EXOC6B: variants seen among roughly 807,000 people sequenced by gnomAD.
The protein encoded by EXOC6B is exocyst complex component 6B, also known as SEC15 homolog B.
In EXOC6B, 54 loss-of-function variants were observed where a neutral mutation model predicts 113.5. That is an observed-to-expected ratio of 0.48 (90% confidence interval 0.38 to 0.60). EXOC6B has a LOEUF of 0.60. Among genes scored for constraint, EXOC6B ranks in the 20% least tolerant of loss-of-function variants. The pLI is 0.00. For missense variants in EXOC6B, 797 were observed against 977.5 expected (o/e 0.82, Z 2.46); for synonymous variants, 357 against 339.0 (o/e 1.05, Z -0.58).
intron 14 of EXOC6B, 80 bp downstream of exon 14, chr2:72,496,373 CT>C: frequency 1.3e-6 from 1 of 790,502 alleles, no homozygotes; most frequent in East Asian, 2.7e-5. Context: ...AAAGGTAATG[CT>C]TTCAATCAAA....
chr2:72,258,028 C>A, intron 20 of EXOC6B, among the ~76,000 whole-genome samples: 1 of 152,206 alleles, frequency 6.6e-6, no homozygotes, highest in African/African-American at 2.4e-5. Context: ...GGCTTACTCA[C>A]TAAATTTCAT....
intron 19 of EXOC6B, among the ~76,000 whole-genome samples, chr2:72,378,032 G>A (rs571218015): frequency 6.6e-6 from 1 of 151,606 alleles, no homozygotes; most frequent in East Asian, 1.9e-4. Flanking sequence ...CATCTTCTGC[G>A]GTCTTACTAA....
intron 1 of EXOC6B, among the ~76,000 whole-genome samples, chr2:72,762,506 A>C (rs1310293655): frequency 6.6e-6 from 1 of 151,996 alleles, no homozygotes; most frequent in African/African-American, 2.4e-5. Flanking sequence ...TTATATAAAG[A>C]AGAAGACAAT....
intron 20 of EXOC6B, among the ~76,000 whole-genome samples, chr2:72,319,795 A>G (rs1687742921): frequency 6.6e-6 from 1 of 152,208 alleles, no homozygotes; most frequent in South Asian, 2.1e-4. Flanking sequence ...ATTTTCCCCA[A>G]ATTGATCTCT....
chr2:72,371,853 A>C (rs1680561427), intron 19 of EXOC6B, among the ~76,000 whole-genome samples: 1 of 152,164 alleles, frequency 6.6e-6, no homozygotes, highest in African/African-American at 2.4e-5. Context: ...GAAAAAGAAA[A>C]AAGGGTCATC....
chr2:72,508,588 A>G (rs1329476406), intron 11 of EXOC6B, among the ~76,000 whole-genome samples: 2 of 152,078 alleles, frequency 1.3e-5, no homozygotes, highest in East Asian at 1.9e-4. Context: ...CCTGGCCAAC[A>G]TGGCGAAATC....
chr2:72,740,593 C>A (rs1029138451), intron 2 of EXOC6B, among the ~76,000 whole-genome samples: 5 of 152,196 alleles, frequency 3.3e-5, no homozygotes, highest in African/African-American at 7.2e-5. Context: ...GAAGACCCTC[C>A]ACAACAACCA....
At chr2:72,232,933 G>A (rs1210964568) in intron 20 of EXOC6B, among the ~76,000 whole-genome samples, 1 of 151,930 alleles carries the variant, frequency 6.6e-6, no homozygotes, top group African/African-American at 2.4e-5. Context: ...TTAGCTGGGT[G>A]TGGTTGCGGG....
At chr2:72,555,804 G>A (rs947334021) in intron 8 of EXOC6B, among the ~76,000 whole-genome samples, 4 of 151,872 alleles carry the variant, frequency 2.6e-5, no homozygotes, top group African/African-American at 4.8e-5. Context: ...CCAGCACCAC[G>A]CCTGGCTAAT....
intron 1 of EXOC6B, among the ~76,000 whole-genome samples, chr2:72,795,616 C>T (rs1684900580): frequency 6.6e-6 from 1 of 151,974 alleles, no homozygotes; most frequent in Non-Finnish European, 1.5e-5. Flanking sequence ...AAGTGAATGA[C>T]AAAAAAACTG....
At chr2:72,246,500 CTAAT>C (rs1282488572) in intron 20 of EXOC6B, among the ~76,000 whole-genome samples, 2 of 145,974 alleles carry the variant, frequency 1.4e-5, no homozygotes, top group Non-Finnish European at 3.0e-5. Flanking sequence ...AATAGGTTAA[CTAAT>C]TGATTTTTTT....
At position 72,732,283 on chromosome 2, in the gene EXOC6B, G is replaced by C. The variant is rs540301531; in HGVS notation, c.327+788C>G. 1.8e-4 allele frequency among the ~76,000 whole-genome samples: 28 copies of C among 151,932 alleles called. No homozygotes were observed. The South Asian group carries it at 4.0e-3, about 21-fold the overall frequency. On this transcript the variant is annotated intron_variant, in intron 3 of 21. Coordinates refer to ENST00000272427, the MANE Select transcript of EXOC6B (RefSeq NM_015189.3). ...CCCACCTCAGTCTCCCAAGTAGCTG[G>C]GACTATAGACATGCACCTCCACGCC...
intron 19 of EXOC6B, among the ~76,000 whole-genome samples, chr2:72,361,321 G>A (rs1180180903): frequency 6.6e-6 from 1 of 152,164 alleles, no homozygotes; most frequent in African/African-American, 2.4e-5. Context: ...TACTTTCACA[G>A]TTTGCTGATG....
intron 20 of EXOC6B, among the ~76,000 whole-genome samples, chr2:72,235,647 G>A (rs1431103483): frequency 1.3e-5 from 2 of 152,154 alleles, no homozygotes; most frequent in African/African-American, 4.8e-5. Context: ...ATAAGAATAG[G>A]TGTATGGGAC....
chr2:72,428,216 A>G (rs761623107), intron 18 of EXOC6B, among the ~76,000 whole-genome samples: 42 of 152,222 alleles, frequency 2.8e-4, no homozygotes, highest in Non-Finnish European at 1.5e-4. Flanking sequence ...AAGAGCTGTA[A>G]CACAAACAGG....
intron 7 of EXOC6B, among the ~76,000 whole-genome samples, chr2:72,571,407 A>G (rs1342708092): frequency 6.6e-6 from 1 of 151,974 alleles, no homozygotes; most frequent in African/African-American, 2.4e-5. Context: ...TTTTTAATCA[A>G]TTGAATTAAG....
chr2:72,687,914 A>C (rs1192779983), intron 6 of EXOC6B, among the ~76,000 whole-genome samples: 1 of 152,174 alleles, frequency 6.6e-6, no homozygotes, highest in Non-Finnish European at 1.5e-5. Flanking sequence ...GATATCCCCA[A>C]TCTTCCCTCC....
At position 72,825,793 on chromosome 2, in the gene EXOC6B, GGT is replaced by G; in HGVS notation, c.113+3_113+4del. 1 of 1,611,590 alleles carries G rather than the reference GGT, an allele frequency of 6.2e-7. No individual in the cohort carries two copies. Among genetic ancestry groups the G allele is most frequent in the Non-Finnish European group, 8.5e-7 (1 of 1,179,124 alleles). On this transcript the variant is annotated splice_donor_region_variant and intron_variant, in intron 1 of 21. Coordinates refer to ENST00000272427, the MANE Select transcript of EXOC6B (RefSeq NM_015189.3). The surrounding 1 kb of genome is among the most constrained non-coding windows in gnomAD (Gnocchi z 4.4). ...GCCCCTCTGTGGTCCCGGCACCCGG[GGT>G]ACCTGAGCGTGGGCCCGATGCAGGC...
At chr2:72,287,861 T>A (rs1484437206) in intron 20 of EXOC6B, among the ~76,000 whole-genome samples, 5 of 152,192 alleles carry the variant, frequency 3.3e-5, no homozygotes, top group Non-Finnish European at 1.5e-5. Context: ...TGAATCTTTA[T>A]AACACTGAAG....
Sources: allele counts gnomAD v4.1 joint callset (sites outside exome capture counted in the v4.1 genomes callset), GRCh38; gene constraint gnomAD v4.1.1; non-coding constraint Gnocchi (gnomAD v3.1); transcripts MANE v1.5; gene names NCBI Gene and HGNC (gene_info 2026-07-23, HGNC 2026-07-21).